Variants in ATE1 observed in about 807,000 individuals in gnomAD.
ATE1 encodes arginyltransferase 1, also known as arginyl-tRNA--protein transferase 1.
A neutral mutation model predicts 70.5 loss-of-function variants in ATE1; 36 were observed. The observed-to-expected ratio is 0.51, with a 90% CI of 0.39 to 0.67. The LOEUF (loss-of-function observed/expected upper bound fraction) is 0.67, where lower values mean the gene tolerates loss of function less well. Among genes scored for constraint, ATE1 ranks in the 30% least tolerant of loss-of-function variants. The probability of loss-of-function intolerance (pLI) is 0.00; values close to 1 mark genes in which losing one functional copy is unlikely to be tolerated. For missense variants in ATE1, 593 were observed against 629.5 expected, an observed-to-expected ratio of 0.94 and a Z score of 0.62; for synonymous variants, 232 against 219.3, an observed-to-expected ratio of 1.06 and a Z score of -0.51.
At chr10:121,818,811 T>TTA in intron 10 of ATE1, among the ~76,000 whole-genome samples, 1 of 152,168 alleles carries the variant, frequency 6.6e-6, no homozygotes, top group Admixed American at 6.5e-5. Context: ...TTGAACCACA[T>TTA]TATATATACA....
At chr10:121,785,980 C>T (rs1297059893) in intron 11 of ATE1, among the ~76,000 whole-genome samples, 1 of 151,694 alleles carries the variant, frequency 6.6e-6, no homozygotes, top group East Asian at 1.9e-4. Context: ...TTCTTAGTAG[C>T]CCCCTTGAAA....
At chr10:121,840,994 C>T (rs1948608437) in intron 9 of ATE1, 88 bp downstream of exon 9, 2 of 1,191,494 alleles carry the variant, frequency 1.7e-6, no homozygotes, top group Non-Finnish European at 2.2e-6. Context: ...ATTAGGACTT[C>T]TACTGTTACA....
chr10:121,815,843 A>T (rs977835076), intron 10 of ATE1, among the ~76,000 whole-genome samples: 1 of 152,200 alleles, frequency 6.6e-6, no homozygotes, highest in Non-Finnish European at 1.5e-5. Context: ...TCTGGGCTAG[A>T]TAATTCCCCC....
At chr10:121,883,039 T>C (rs1158525895) in intron 7 of ATE1, among the ~76,000 whole-genome samples, 1 of 152,184 alleles carries the variant, frequency 6.6e-6, no homozygotes, top group East Asian at 1.9e-4. Context: ...AATGCTTATA[T>C]TCCCAACTTA....
intron 11 of ATE1, among the ~76,000 whole-genome samples, chr10:121,781,937 T>C (rs1946009245): frequency 6.6e-6 from 1 of 152,206 alleles, no homozygotes; most frequent in Non-Finnish European, 1.5e-5. Flanking sequence ...TCCATATTTA[T>C]ATTAAAAACA....
chr10:121,832,478 T>C (rs562833235), intron 10 of ATE1, among the ~76,000 whole-genome samples: 1 of 152,266 alleles, frequency 6.6e-6, no homozygotes, highest in South Asian at 2.1e-4. Flanking sequence ...ACTCCCATAA[T>C]TTGCACGTGT....
At chr10:121,790,949 T>C (rs949872849) in intron 10 of ATE1, among the ~76,000 whole-genome samples, 71 of 13,834 alleles carry the variant, frequency 5.1e-3, no homozygotes, top group African/African-American at 8.5e-3. Context: ...TACATATATA[T>C]GTGTATATAT....
At chr10:121,844,907 TA>T (rs74264560) in intron 8 of ATE1, among the ~76,000 whole-genome samples, 322 of 143,706 alleles carry the variant, frequency 2.2e-3, no homozygotes, top group Middle Eastern at 3.5e-3. Flanking sequence ...ATAATGAGTT[TA>T]AAAAAAAAAA....
At chr10:121,816,341 T>C (rs1261686420) in intron 10 of ATE1, among the ~76,000 whole-genome samples, 1 of 152,212 alleles carries the variant, frequency 6.6e-6, no homozygotes, top group Non-Finnish European at 1.5e-5. Context: ...TCTTCTCCAA[T>C]ATTCATGTTG....
intron 11 of ATE1, among the ~76,000 whole-genome samples, chr10:121,786,292 G>T (rs1946208953): frequency 1.5e-5 from 2 of 132,126 alleles, no homozygotes; most frequent in South Asian, 4.6e-4. Flanking sequence ...CCAACATTAA[G>T]AGTCAAATCA....
intron 11 of ATE1, among the ~76,000 whole-genome samples, chr10:121,772,157 G>C (rs1945545618): frequency 6.6e-6 from 1 of 152,128 alleles, no homozygotes; most frequent in Non-Finnish European, 1.5e-5. Context: ...AGGATATAGC[G>C]CCAAACTGGC....
intron 7 of ATE1, among the ~76,000 whole-genome samples, chr10:121,890,396 G>A (rs1263114944): frequency 6.6e-6 from 1 of 152,084 alleles, no homozygotes; most frequent in Non-Finnish European, 1.5e-5. Flanking sequence ...GTAGTAAAAT[G>A]TCATGATATA....
At chr10:121,887,878 A>G (rs1950454715) in intron 7 of ATE1, among the ~76,000 whole-genome samples, 2 of 152,320 alleles carry the variant, frequency 1.3e-5, no homozygotes, top group South Asian at 2.1e-4. Context: ...ATTTCAGCTA[A>G]TAAGTGTAGA....
At chr10:121,908,430 G>A (rs1229444833) in intron 5 of ATE1, among the ~76,000 whole-genome samples, 4 of 152,254 alleles carry the variant, frequency 2.6e-5, no homozygotes, top group South Asian at 4.2e-4. Flanking sequence ...ACTGGAACCC[G>A]GAGGTGGAGT....
intron 10 of ATE1, among the ~76,000 whole-genome samples, chr10:121,828,998 T>C (rs1434761811): frequency 2.0e-5 from 3 of 152,058 alleles, no homozygotes; most frequent in Admixed American, 1.3e-4. Flanking sequence ...ATGCACTATA[T>C]TGTAATTACC....
At chr10:121,792,757 T>C (rs930985475) in intron 10 of ATE1, among the ~76,000 whole-genome samples, 2 of 152,218 alleles carry the variant, frequency 1.3e-5, no homozygotes, top group African/African-American at 4.8e-5. Flanking sequence ...AAGTCTGTTT[T>C]TTCCTTCTTG....
At chr10:121,803,011 C>G (rs970349223) in intron 10 of ATE1, among the ~76,000 whole-genome samples, 1 of 152,146 alleles carries the variant, frequency 6.6e-6, no homozygotes, top group Non-Finnish European at 1.5e-5. Flanking sequence ...TCAGCGTTGA[C>G]GTCTTTAGGA....
At chr10:121,763,643 C>T (rs527311767) in intron 11 of ATE1, among the ~76,000 whole-genome samples, 80 of 152,240 alleles carry the variant, frequency 5.3e-4, no homozygotes, top group African/African-American at 1.8e-3. Context: ...GACTTCTAGG[C>T]CCATGAAACT....
chr10:121,818,142 T>C (rs952965619), intron 10 of ATE1, among the ~76,000 whole-genome samples: 6 of 149,876 alleles, frequency 4.0e-5, no homozygotes, highest in African/African-American at 1.5e-4. Flanking sequence ...TGTGTGCTTG[T>C]GGTCCCAGCT....
Sources: allele counts gnomAD v4.1 joint callset (sites outside exome capture counted in the v4.1 genomes callset), GRCh38; gene constraint gnomAD v4.1.1; transcripts MANE v1.5; gene names NCBI Gene and HGNC (gene_info 2026-07-23, HGNC 2026-07-21).